CFAP20DC: variants seen among roughly 807,000 people sequenced by gnomAD.
The protein encoded by CFAP20DC is CFAP20 domain containing, also known as protein CFAP20DC.
Under a neutral mutation model 101.7 loss-of-function variants are expected in CFAP20DC, and 84 were observed. The observed-to-expected ratio is 0.83, with a 90% CI of 0.69 to 0.99. The LOEUF (loss-of-function observed/expected upper bound fraction) is 0.99. CFAP20DC is among the 50% of genes least tolerant of loss of function. The pLI is 0.00. For missense variants in CFAP20DC, 1,007 were observed against 970.3 expected (o/e 1.04, Z -0.50); for synonymous variants, 359 against 351.2 (o/e 1.02, Z -0.25).
intron 14 of CFAP20DC, among the ~76,000 whole-genome samples, chr3:58,828,689 A>G (rs916538395): frequency 2.0e-5 from 3 of 152,080 alleles, no homozygotes; most frequent in African/African-American, 4.8e-5. Context: ...AAAAGTAACT[A>G]TTGGGTACTA....
At position 59,006,711 on chromosome 3, in the gene CFAP20DC, G is replaced by A. The variant is rs2093442021; in HGVS notation, c.278+32846C>T. 6.6e-6 allele frequency among the ~76,000 whole-genome samples: 1 copy of A among 152,294 alleles called. No homozygotes were observed. The highest frequency in any genetic ancestry group is 2.1e-4 in the South Asian group (1 of 4,818). On this transcript the variant is annotated intron_variant, in intron 4 of 16. Coordinates refer to ENST00000482387, the MANE Select transcript of CFAP20DC (RefSeq NM_001394063.1). The surrounding 1 kb of genome is among the most constrained non-coding windows in gnomAD (Gnocchi z 4.3). ...CCAACCCTGACAATATCTCATAGAG[G>A]CCCTAGGGGAAGACAGCCAGCAGAA...
intron 14 of CFAP20DC, among the ~76,000 whole-genome samples, chr3:58,822,929 G>C (rs2075788623): frequency 6.6e-6 from 1 of 152,122 alleles, no homozygotes; most frequent in African/African-American, 2.4e-5. Flanking sequence ...CCTATCCCCT[G>C]AAGAAAGGAA....
intron 12 of CFAP20DC, among the ~76,000 whole-genome samples, chr3:58,852,076 C>A (rs967253967): frequency 1.3e-5 from 2 of 152,110 alleles, no homozygotes; most frequent in African/African-American, 4.8e-5. Context: ...ACCTTTGCTG[C>A]TGACTGGTCC....
rs1275915583 is a variant in CFAP20DC, at chr3:59,006,361, C to T, written c.278+33196G>A. ...AGACTGAATAATGTGTGGAGACTCA[C>T]ACCATGAACTTTCTTTCCAAGTACC... On this transcript the variant is annotated intron_variant, in intron 4 of 16. Transcript: ENST00000482387. This position sits in a 1 kb window ranked among gnomAD's most constrained non-coding sequence, Gnocchi z 4.3. Among the ~76,000 whole-genome samples, 1 of 152,200 alleles carries T rather than the reference C, an allele frequency of 6.6e-6. No individual in the cohort carries two copies. The highest frequency in any genetic ancestry group is 1.5e-5 in the Non-Finnish European group (1 of 68,038).
At position 59,049,861 on chromosome 3, in the gene CFAP20DC, C is replaced by G; in HGVS notation, c.-230G>C. The G allele has an allele frequency of 1.7e-6, 1 of 597,208 alleles. No individual in the cohort carries two copies. Among genetic ancestry groups the G allele is most frequent in the Non-Finnish European group, 3.0e-6 (1 of 338,842 alleles). The allele number at this position is 597,208 out of a possible 1,614,324, so 37.0% of individuals were successfully genotyped here. A position where few individuals can be genotyped will look rare whatever the true frequency, so the allele number is the denominator to read the frequency against. ...TTGCGGCTCCAGCCTCCGCGGTGCC[C>G]GGGTCTGGGGAGGGCGCAGCTGCCT... On this transcript the variant is annotated 5_prime_UTR_variant, in exon 1 of 17. Coordinates refer to ENST00000482387, the MANE Select transcript of CFAP20DC (RefSeq NM_001394063.1).
At chr3:58,998,791 A>G (rs1179015267) in intron 4 of CFAP20DC, among the ~76,000 whole-genome samples, 1 of 152,258 alleles carries the variant, frequency 6.6e-6, no homozygotes, top group African/African-American at 2.4e-5. Flanking sequence ...AATGAAAAAG[A>G]ACAAAGATGC....
Position 58,795,227 on chromosome 3 carries a change from A to G in CFAP20DC, c.2237+11168T>C, listed in dbSNP as rs1193148222. Among the ~76,000 whole-genome samples, 4 of 152,200 alleles carry G rather than the reference A, an allele frequency of 2.6e-5. No homozygotes were observed. Among genetic ancestry groups the G allele is most frequent in the Non-Finnish European group, 4.4e-5 (3 of 68,040 alleles). ...AGAATGGTAAATAATTGCTTTGGTA[A>G]TTACCTTCTTTAACTGGATTGTGGG... On this transcript the variant is annotated intron_variant, in intron 15 of 16. Transcript: ENST00000482387. This position sits in a 1 kb window ranked among gnomAD's most constrained non-coding sequence, Gnocchi z 4.2.
In CFAP20DC at chr3:58,863,018, C is replaced by T; in HGVS notation, c.1593+540G>A. 1.0e-6 allele frequency: 1 copy of T among 985,952 alleles called. No individual in the cohort carries two copies. Among genetic ancestry groups the T allele is most frequent in the Non-Finnish European group, 1.2e-6 (1 of 830,162 alleles). The allele number at this position is 985,952 out of a possible 1,614,324, so 61.1% of individuals were successfully genotyped here. ...TAAATAATTGCAAACAGAAAATCTCCTGTAAGGCAAGTCCCAGCACTAATC... is the reference window on the plus strand; with the variant it reads ...TAAATAATTGCAAACAGAAAATCTCTTGTAAGGCAAGTCCCAGCACTAATC... On this transcript the variant is annotated intron_variant, in intron 12 of 16. Transcript: ENST00000482387. The surrounding 1 kb of genome is among the most constrained non-coding windows in gnomAD (Gnocchi z 5.9).
At chr3:58,885,550 G>A (rs1464441028) in intron 6 of CFAP20DC, among the ~76,000 whole-genome samples, 1 of 151,006 alleles carries the variant, frequency 6.6e-6, no homozygotes. Flanking sequence ...TCCTCTTACA[G>A]TGGTATTCCT....
At chr3:58,794,896 T>C (rs2073124683) in intron 15 of CFAP20DC, among the ~76,000 whole-genome samples, 1 of 152,170 alleles carries the variant, frequency 6.6e-6, no homozygotes, top group Non-Finnish European at 1.5e-5. Flanking sequence ...TGTGAATCAT[T>C]TTATGCTGTA....
chr3:58,892,584 T>C lies in CFAP20DC; in HGVS notation c.551-7875A>G, dbSNP rs973702683. ...AATTGTATTCCTAGATATTTTATTC[T>C]TTTTGTGGCAATTGTGAATGGGAGT... On this transcript the variant is annotated intron_variant, in intron 6 of 16. Transcript: ENST00000482387. The surrounding 1 kb of genome is among the most constrained non-coding windows in gnomAD (Gnocchi z 4.0). Among the ~76,000 whole-genome samples the C allele has an allele frequency of 6.6e-6, 1 of 152,218 alleles. No homozygotes were observed. The highest frequency in any genetic ancestry group is 1.5e-5 in the Non-Finnish European group (1 of 68,032).
At chr3:59,000,272 C>G (rs1416778424) in intron 4 of CFAP20DC, among the ~76,000 whole-genome samples, 2 of 152,058 alleles carry the variant, frequency 1.3e-5, no homozygotes, top group African/African-American at 4.8e-5. Flanking sequence ...TACTACAATA[C>G]CCTCCATCTG....
intron 4 of CFAP20DC, among the ~76,000 whole-genome samples, chr3:59,012,071 C>T (rs751224254): frequency 2.6e-5 from 4 of 152,162 alleles, no homozygotes; most frequent in Non-Finnish European, 4.4e-5. Context: ...ATAGAACTCA[C>T]AGTCTATTAA....
intron 12 of CFAP20DC, among the ~76,000 whole-genome samples, chr3:58,857,066 A>G (rs2078894100): frequency 6.6e-6 from 1 of 152,230 alleles, no homozygotes; most frequent in Admixed American, 6.5e-5. Context: ...GGCAATTTCT[A>G]GACACTATAC....
At chr3:58,845,267 A>G (rs879622405) in intron 13 of CFAP20DC, among the ~76,000 whole-genome samples, 23 of 151,638 alleles carry the variant, frequency 1.5e-4, no homozygotes, top group Admixed American at 1.5e-3. Context: ...GACCTCTAGC[A>G]AGACTAATAA....
chr3:58,811,006 A>G (rs2074576913), intron 14 of CFAP20DC, among the ~76,000 whole-genome samples: 1 of 152,158 alleles, frequency 6.6e-6, no homozygotes, highest in African/African-American at 2.4e-5. Flanking sequence ...AGGGATGTGA[A>G]GGACCTCTTC....
At chr3:58,718,107 CATGTTGAA>C (rs2067421799) in intron 3 of CFAP20DC, among the ~76,000 whole-genome samples, 1 of 152,190 alleles carries the variant, frequency 6.6e-6, no homozygotes, top group Non-Finnish European at 1.5e-5. Flanking sequence ...GGGGTCACAT[CATGTTGAA>C]CAAAACAGCC....
At chr3:58,756,482 GAA>G (rs1356938522) in intron 15 of CFAP20DC, among the ~76,000 whole-genome samples, 2 of 151,978 alleles carry the variant, frequency 1.3e-5, no homozygotes, top group East Asian at 3.9e-4. Context: ...GAAATACAAC[GAA>G]AGTCATCTGC....
At chr3:58,952,012 G>T (rs1213620942) in intron 4 of CFAP20DC, among the ~76,000 whole-genome samples, 1 of 152,188 alleles carries the variant, frequency 6.6e-6, no homozygotes, top group Non-Finnish European at 1.5e-5. Flanking sequence ...GCCCCGAAAG[G>T]CTGGGCAATT....
Sources: allele counts gnomAD v4.1 joint callset (sites outside exome capture counted in the v4.1 genomes callset), GRCh38; gene constraint gnomAD v4.1.1; non-coding constraint Gnocchi (gnomAD v3.1); transcripts MANE v1.5; gene names NCBI Gene and HGNC (gene_info 2026-07-23, HGNC 2026-07-21).